GSDMC: variants seen among roughly 807,000 people sequenced by gnomAD.
GSDMC encodes the protein gasdermin C.
Under a neutral mutation model 58.0 loss-of-function variants are expected in GSDMC, and 59 were observed. That is an observed-to-expected ratio of 1.02 (90% CI 0.82 to 1.26). The LOEUF (loss-of-function observed/expected upper bound fraction) is 1.26. Among genes scored for constraint, GSDMC ranks in the 50% most tolerant of loss-of-function variants. The pLI, the probability that GSDMC is intolerant of heterozygous loss-of-function variation, is 0.00. For missense variants in GSDMC, 659 were observed against 598.5 expected (o/e 1.10, Z -1.06); for synonymous variants, 241 against 220.2 (o/e 1.09, Z -0.83).
the GSDMC span, among the ~76,000 whole-genome samples, chr8:129,739,681 A>T: frequency 6.6e-6 from 1 of 152,164 alleles, no homozygotes; most frequent in East Asian, 1.9e-4. Context: ...CAACAAACCT[A>T]CTTCACAGCC....
chr8:129,750,372 C>T (rs2033134741), intron 11 of GSDMC, 59 bp downstream of exon 11: 14 of 1,533,554 alleles, frequency 9.1e-6, no homozygotes, highest in Admixed American at 3.7e-5. Context: ...GGAGTCATAT[C>T]TCCTAACCAA....
the GSDMC span, among the ~76,000 whole-genome samples, chr8:129,737,625 C>G: frequency 2.0e-5 from 3 of 152,174 alleles, no homozygotes; most frequent in Non-Finnish European, 4.4e-5. Context: ...AAAACTGAAA[C>G]TGGATCCCTT....
At chr8:129,742,237 G>T in the GSDMC span, among the ~76,000 whole-genome samples, 2 of 151,956 alleles carry the variant, frequency 1.3e-5, no homozygotes, top group African/African-American at 4.8e-5. Flanking sequence ...ACAACAGGGT[G>T]ACCATAGTTA....
At chr8:129,774,579 T>G (rs938561469) in intron 3 of GSDMC, among the ~76,000 whole-genome samples, 1 of 147,104 alleles carries the variant, frequency 6.8e-6, no homozygotes, top group African/African-American at 2.5e-5. Flanking sequence ...TCTAGCAAAC[T>G]AAAAAGTTTC....
chr8:129,711,348 A>T, the GSDMC span, among the ~76,000 whole-genome samples: 1 of 152,172 alleles, frequency 6.6e-6, no homozygotes, highest in Non-Finnish European at 1.5e-5. Context: ...TCTTTTACAG[A>T]TGGGAAAACT....
At chr8:129,725,711 G>A in the GSDMC span, among the ~76,000 whole-genome samples, 1 of 148,050 alleles carries the variant, frequency 6.8e-6, no homozygotes, top group South Asian at 2.1e-4. Context: ...CTATGTGCTA[G>A]CACTATACTA....
At chr8:129,759,175 C>T in intron 6 of GSDMC, among the ~76,000 whole-genome samples, 1 of 152,166 alleles carries the variant, frequency 6.6e-6, no homozygotes, top group East Asian at 1.9e-4. Context: ...GAGAATAAAA[C>T]TAGACCCCTA....
chr8:129,749,151 G>A (rs1174255938), intron 13 of GSDMC, among the ~76,000 whole-genome samples: 1 of 152,164 alleles, frequency 6.6e-6, no homozygotes, highest in Non-Finnish European at 1.5e-5. Context: ...TGTGACTAGA[G>A]CAGGAATATT....
intron 4 of GSDMC, 50 bp from the exon 5 acceptor site, chr8:129,762,781 G>A (rs763623880): frequency 4.1e-5 from 52 of 1,272,632 alleles, no homozygotes; most frequent in Non-Finnish European, 5.2e-5. Flanking sequence ...TAATTTTAAA[G>A]GTCAGATGGC....
rs1465654652 is a variant in GSDMC, at chr8:129,750,095, A to C, written c.1108T>G (p.Leu370Val). 2 of 1,595,304 alleles carry C rather than the reference A, an allele frequency of 1.3e-6. No homozygotes were observed. The highest frequency in any genetic ancestry group is 1.7e-6 in the Non-Finnish European group (2 of 1,173,304). Reference protein sequence around the residue: ...NMLELDSSGHLDGPGGAILKK... With the variant: ...NMLELDSSGHVDGPGGAILKK... ...AGGATGGCACCACCAGGGCCATCCAAATGACCTGAGCTGTCCAATTCCAGC... is the reference window on the plus strand; with the variant it reads ...AGGATGGCACCACCAGGGCCATCCACATGACCTGAGCTGTCCAATTCCAGC... Residue 370 changes from leucine (L) to valine (V), a missense_variant, in exon 12 of 14, where the codon TTG (leucine) becomes GTG (valine). Physicochemically the swap from Leu to Val is conservative, Grantham distance 32. Coordinates refer to ENST00000276708, the MANE Select transcript of GSDMC (RefSeq NM_031415.3).
intron 3 of GSDMC, among the ~76,000 whole-genome samples, chr8:129,773,889 C>A (rs1320426883): frequency 6.6e-6 from 1 of 150,990 alleles, no homozygotes; most frequent in Non-Finnish European, 1.5e-5. Flanking sequence ...TGAAAAACTA[C>A]AAAATTCATG....
rs2034358121 is a variant in GSDMC, at chr8:129,779,963, G to A, written c.-4-2372C>T. ...ATTAAAAAGAAGCAGAAATTCTGGA[G>A]TTGAAAAATACATTGACCTACAGAA... On this transcript the variant is annotated intron_variant, in intron 1 of 13. Transcript: ENST00000276708. Among the ~76,000 whole-genome samples the A allele has an allele frequency of 2.0e-5, 3 of 152,148 alleles. No individual in the cohort carries two copies. The South Asian group carries it at 6.2e-4, about 31-fold the overall frequency.
At chr8:129,778,394 T>A (rs926650020) in intron 1 of GSDMC, among the ~76,000 whole-genome samples, 12 of 152,198 alleles carry the variant, frequency 7.9e-5, no homozygotes, top group African/African-American at 2.7e-4. Flanking sequence ...CTGGGATACC[T>A]GGCTAGCCAT....
At chr8:129,749,912 C>A in intron 12 of GSDMC, 78 bp downstream of exon 12, 1 of 1,193,112 alleles carries the variant, frequency 8.4e-7, no homozygotes, top group South Asian at 1.5e-5. Flanking sequence ...TTTGGAGACA[C>A]AGCATCTAAC....
At chr8:129,706,572 T>C in the GSDMC span, 1 of 152,136 alleles carries the variant, frequency 6.6e-6, no homozygotes, top group African/African-American at 2.4e-5. Flanking sequence ...AGTCCAAAAA[T>C]GGAGCCAGGC....
At chr8:129,753,164 G>A (rs1423245168) in intron 6 of GSDMC, among the ~76,000 whole-genome samples, 1 of 152,212 alleles carries the variant, frequency 6.6e-6, no homozygotes, top group African/African-American at 2.4e-5. Context: ...ACCAGCTGGG[G>A]TGACTAAAAA....
intron 9 of GSDMC, 126 bp from the exon 10 acceptor site, chr8:129,751,694 C>T: frequency 9.1e-7 from 1 of 1,094,574 alleles, no homozygotes; most frequent in Non-Finnish European, 1.4e-6. Flanking sequence ...GCCCCCATTC[C>T]CATTCATCCT....
At chr8:129,767,063 G>T (rs1448626312) in intron 3 of GSDMC, among the ~76,000 whole-genome samples, 1 of 152,128 alleles carries the variant, frequency 6.6e-6, no homozygotes, top group Non-Finnish European at 1.5e-5. Flanking sequence ...CAACAAATTT[G>T]TCTGGCCAGG....
chr8:129,724,336 A>T, the GSDMC span, among the ~76,000 whole-genome samples: 2 of 152,268 alleles, frequency 1.3e-5, no homozygotes, highest in South Asian at 4.2e-4. Flanking sequence ...TATAAGTTAA[A>T]TGTTTATTAT....
Sources: gnomAD v4.1 joint callset for allele counts (sites outside exome capture counted in the v4.1 genomes callset) on GRCh38, gnomAD v4.1.1 for gene constraint, MANE v1.5 for transcripts, NCBI Gene and HGNC (gene_info 2026-07-23, HGNC 2026-07-21) for gene names.